ATP8A2: variants seen among roughly 807,000 people sequenced by gnomAD.
ATP8A2 encodes the protein ATPase phospholipid transporting 8A2, also known as phospholipid-transporting ATPase IB.
ATP8A2 carries 100 observed loss-of-function variants against 165.6 expected under a neutral mutation model. That is an observed-to-expected ratio of 0.60 (90% confidence interval 0.51 to 0.71). ATP8A2 has a LOEUF of 0.71. ATP8A2 is among the 30% of genes least tolerant of loss of function. The pLI, the probability that ATP8A2 is intolerant of heterozygous loss-of-function variation, is 0.00. For missense variants in ATP8A2, 1,227 were observed against 1,479.5 expected (o/e 0.83, Z 2.80); for synonymous variants, 543 against 548.8 (o/e 0.99, Z 0.15).
intron 25 of ATP8A2, among the ~76,000 whole-genome samples, chr13:25,714,410 G>A (rs2043213690): frequency 6.6e-6 from 1 of 152,098 alleles, no homozygotes; most frequent in Non-Finnish European, 1.5e-5. Flanking sequence ...GAGTACTCTG[G>A]CTCTGTTAGT....
chr13:25,428,473 C>T (rs2034513334), intron 1 of ATP8A2, among the ~76,000 whole-genome samples: 1 of 152,160 alleles, frequency 6.6e-6, no homozygotes, highest in Non-Finnish European at 1.5e-5. Flanking sequence ...GGGAAACAGA[C>T]TTATGAACAC....
intron 27 of ATP8A2, among the ~76,000 whole-genome samples, chr13:25,776,697 T>C (rs1256553504): frequency 2.0e-5 from 3 of 152,152 alleles, no homozygotes; most frequent in African/African-American, 7.2e-5. Flanking sequence ...TCATGGACGA[T>C]AGTGTAAAGA....
intron 24 of ATP8A2, among the ~76,000 whole-genome samples, chr13:25,595,710 T>C (rs527600681): frequency 6.6e-6 from 1 of 152,302 alleles, no homozygotes; most frequent in East Asian, 1.9e-4. Context: ...GCATAGGTGG[T>C]AGTCTCTTTG....
At chr13:25,489,009 T>C (rs1488249049) in intron 2 of ATP8A2, among the ~76,000 whole-genome samples, 4 of 151,632 alleles carry the variant, frequency 2.6e-5, no homozygotes, top group African/African-American at 7.3e-5. Context: ...GGGGTGGGTA[T>C]AGATTTTAAA....
intron 33 of ATP8A2, among the ~76,000 whole-genome samples, chr13:25,869,149 A>G (rs1952610382): frequency 2.0e-5 from 3 of 152,122 alleles, no homozygotes; most frequent in Admixed American, 1.3e-4. Context: ...AGTGCTAGCT[A>G]AGTGAGTTCT....
intron 1 of ATP8A2, chr13:25,468,697 C>T (rs1593352253): frequency 2.6e-6 from 1 of 383,586 alleles, no homozygotes; most frequent in Non-Finnish European, 3.6e-6. Context: ...GGAGGGAGCG[C>T]AGGAGCTGGG....
intron 11 of ATP8A2, among the ~76,000 whole-genome samples, chr13:25,553,154 G>T (rs1372719599): frequency 6.6e-6 from 1 of 151,764 alleles, no homozygotes. Context: ...GTCAAGGAAA[G>T]AACTTTCCCT....
chr13:25,965,541 A>C (rs1252228846), intron 34 of ATP8A2, among the ~76,000 whole-genome samples: 1 of 152,232 alleles, frequency 6.6e-6, no homozygotes, highest in African/African-American at 2.4e-5. Flanking sequence ...CTAATGAGTA[A>C]TTTTGTTAGA....
chr13:25,957,644 G>A lies in ATP8A2; in HGVS notation c.3184-3931G>A, dbSNP rs189964059. ...ATGCTGGAGAGGATGTGGAGAAATA[G>A]GAACGCTTTTACACTGTTGGTGGGA... On this transcript the variant is annotated intron_variant, in intron 33 of 36. Transcript: ENST00000381655. 1.1e-3 allele frequency among the ~76,000 whole-genome samples: 164 copies of A among 152,268 alleles called. 3 individuals carry two copies. The highest frequency in any genetic ancestry group is 3.9e-3 in the African/African-American group (160 of 41,554).
chr13:25,702,915 T>C (rs1278864748), intron 25 of ATP8A2, among the ~76,000 whole-genome samples: 1 of 152,092 alleles, frequency 6.6e-6, no homozygotes, highest in Non-Finnish European at 1.5e-5. Flanking sequence ...GCCTGTGAAG[T>C]GTTGTTTTCC....
At chr13:25,967,377 C>T (rs1440525861) in intron 34 of ATP8A2, among the ~76,000 whole-genome samples, 4 of 152,118 alleles carry the variant, frequency 2.6e-5, no homozygotes. Context: ...GCTAATACTC[C>T]ATTATAGATT....
intron 35 of ATP8A2, among the ~76,000 whole-genome samples, chr13:26,001,210 G>A (rs768404936): frequency 9.2e-5 from 14 of 152,316 alleles, no homozygotes; most frequent in South Asian, 2.1e-4. Context: ...GTATCCATCT[G>A]TACCATATTT....
intron 27 of ATP8A2, among the ~76,000 whole-genome samples, chr13:25,778,123 A>T (rs1009813301): frequency 1.3e-5 from 2 of 152,158 alleles, no homozygotes; most frequent in Admixed American, 6.5e-5. Flanking sequence ...CAATCTATTC[A>T]GCCATTCCCT....
chr13:25,700,479 C>G (rs1375104462), intron 25 of ATP8A2, among the ~76,000 whole-genome samples: 1 of 152,214 alleles, frequency 6.6e-6, no homozygotes, highest in East Asian at 1.9e-4. Flanking sequence ...ACTTGTCTCT[C>G]TAATTAGCCT....
In ATP8A2 at chr13:25,750,745, A is replaced by G. The variant is rs1332658655; in HGVS notation, c.2385-18301A>G. Among the ~76,000 whole-genome samples, 1 of 152,202 alleles carries G rather than the reference A, an allele frequency of 6.6e-6. No homozygotes were observed. Among genetic ancestry groups the G allele is most frequent in the Non-Finnish European group, 1.5e-5 (1 of 68,040 alleles). ...ATGGGCATCAAAAAGCTTGCGAAGA[A>G]AAGTCCTCTTCTGCTCGATGTATAC... On this transcript the variant is annotated intron_variant, in intron 25 of 36. Coordinates refer to ENST00000381655, the MANE Select transcript of ATP8A2 (RefSeq NM_016529.6). The surrounding 1 kb of genome is among the most constrained non-coding windows in gnomAD (Gnocchi z 4.3).
chr13:25,631,323 T>C (rs753003682), intron 24 of ATP8A2, among the ~76,000 whole-genome samples: 2 of 152,204 alleles, frequency 1.3e-5, no homozygotes, highest in African/African-American at 2.4e-5. Flanking sequence ...TTTTAATTTA[T>C]ATGTAATTAG....
At position 25,677,933 on chromosome 13, in the gene ATP8A2, G is replaced by A. The variant is rs74587103; in HGVS notation, c.2212-21240G>A. On this transcript the variant is annotated intron_variant, in intron 24 of 36. Coordinates refer to ENST00000381655, the MANE Select transcript of ATP8A2 (RefSeq NM_016529.6). ...AAGGAGCACTGTGGTGATCTGGTGC[G>A]AATGAGAGGGGGTGGGGGATATTAC... Among the ~76,000 whole-genome samples, 1,010 of 152,268 alleles carry A rather than the reference G, an allele frequency of 6.6e-3. 6 individuals are homozygous for A. Among genetic ancestry groups the A allele is most frequent in the Admixed American group, 9.2e-3 (140 of 15,292 alleles).
intron 2 of ATP8A2, among the ~76,000 whole-genome samples, chr13:25,480,276 G>C (rs1021577431): frequency 4.6e-5 from 7 of 151,244 alleles, no homozygotes; most frequent in Non-Finnish European, 8.9e-5. Context: ...CCCGGACGGG[G>C]CGGCTGGCCG....
intron 1 of ATP8A2, among the ~76,000 whole-genome samples, chr13:25,446,094 G>T (rs530383675): frequency 6.6e-6 from 1 of 152,192 alleles, no homozygotes; most frequent in Non-Finnish European, 1.5e-5. Flanking sequence ...AGCGCTGTAA[G>T]TGCTCTGAAT....
Sources: gnomAD v4.1 joint callset for allele counts (sites outside exome capture counted in the v4.1 genomes callset) on GRCh38, gnomAD v4.1.1 for gene constraint, Gnocchi (gnomAD v3.1) non-coding constraint, MANE v1.5 for transcripts, NCBI Gene and HGNC (gene_info 2026-07-23, HGNC 2026-07-21) for gene names.